Variants in TTC28 observed in about 807,000 individuals in gnomAD.
TTC28 encodes tetratricopeptide repeat protein 28.
A neutral mutation model predicts 198.0 loss-of-function variants in TTC28; 61 were observed. That is an observed-to-expected ratio of 0.31 (90% CI 0.25 to 0.38). The LOEUF (loss-of-function observed/expected upper bound fraction) is 0.38. Ranked by LOEUF, TTC28 falls within the 10% of genes least tolerant of loss-of-function variation. The pLI, the probability that TTC28 is intolerant of heterozygous loss-of-function variation, is 1.00. For synonymous variants in TTC28, 1,171 were observed against 1,297.8 expected (o/e 0.90, Z 2.10); for missense variants, 2,678 against 3,164.0 (o/e 0.85, Z 3.69).
At chr22:28,502,994 T>C (rs1471117733) in intron 2 of TTC28, among the ~76,000 whole-genome samples, 1 of 152,204 alleles carries the variant, frequency 6.6e-6, no homozygotes. Flanking sequence ...CATCACATAA[T>C]GCCTCATGGA....
At position 28,032,175 on chromosome 22, in the gene TTC28, T is replaced by TATATATATATATAAA. The variant is rs1186130280; in HGVS notation, c.3933-1824_3933-1810dup. Among the ~76,000 whole-genome samples, 431 of 78,944 alleles carry TATATATATATATAAA rather than the reference T, an allele frequency of 5.5e-3. 9 individuals carry two copies. Among genetic ancestry groups the TATATATATATATAAA allele is most frequent in the Middle Eastern group, 0.013 (2 of 158 alleles). The allele number at this position is 78,944 out of a possible 152,430, so 51.8% of individuals were successfully genotyped here. A position where few individuals can be genotyped will look rare whatever the true frequency, so the allele number is the denominator to read the frequency against. On this transcript the variant is annotated intron_variant, in intron 12 of 22. Transcript: ENST00000397906. The stretch of plus-strand genomic sequence containing the variant: ...TATATCTACTTAGTGTGTGTATATA[T>TATATATATATATAAA]ATATATATATATAAAATATATATAT...
chr22:28,327,732 A>C (rs976963321), intron 2 of TTC28, among the ~76,000 whole-genome samples: 23 of 152,346 alleles, frequency 1.5e-4, no homozygotes, highest in East Asian at 5.8e-4. Flanking sequence ...GAAGTGGCAA[A>C]TGTGTAGGGG....
chr22:28,049,831 A>G (rs537376268), intron 12 of TTC28, among the ~76,000 whole-genome samples: 1 of 152,174 alleles, frequency 6.6e-6, no homozygotes, highest in Non-Finnish European at 1.5e-5. Flanking sequence ...ATGTTCGTGA[A>G]GAGTGTGTGT....
At chr22:28,322,220 C>G (rs1042246614) in intron 2 of TTC28, among the ~76,000 whole-genome samples, 1 of 152,088 alleles carries the variant, frequency 6.6e-6, no homozygotes, top group Non-Finnish European at 1.5e-5. Flanking sequence ...TTTCTGTTTT[C>G]TGGCACCTGT....
At chr22:28,088,152 G>A (rs1432696522) in intron 12 of TTC28, among the ~76,000 whole-genome samples, 3 of 152,108 alleles carry the variant, frequency 2.0e-5, no homozygotes, top group Admixed American at 1.3e-4. Context: ...CACAGAATTG[G>A]AGAAAACTAC....
intron 6 of TTC28, among the ~76,000 whole-genome samples, chr22:28,118,086 A>G (rs1209492532): frequency 6.6e-6 from 1 of 152,198 alleles, no homozygotes; most frequent in Admixed American, 6.5e-5. Context: ...TATCCATAAA[A>G]ATACAAAATT....
At chr22:28,594,498 C>G (rs2050501498) in intron 2 of TTC28, among the ~76,000 whole-genome samples, 1 of 151,820 alleles carries the variant, frequency 6.6e-6, no homozygotes. Context: ...TTACTTTATC[C>G]TTTGGTACCC....
intron 2 of TTC28, among the ~76,000 whole-genome samples, chr22:28,490,911 T>C (rs1043293933): frequency 1.8e-4 from 27 of 152,238 alleles, no homozygotes; most frequent in Non-Finnish European, 3.7e-4. Context: ...AAAATTCCTC[T>C]GATATCACTA....
At chr22:28,279,861 C>T (rs940462220) in intron 5 of TTC28, among the ~76,000 whole-genome samples, 4 of 152,178 alleles carry the variant, frequency 2.6e-5, no homozygotes, top group African/African-American at 9.7e-5. Flanking sequence ...TCTAGAATTT[C>T]TTATTAATGG....
At position 28,163,619 on chromosome 22, in the gene TTC28, G is replaced by C. The variant is rs911943310; in HGVS notation, c.934-20C>G. ...AGCTGCCTGGAGAGAAAAGGATAAA[G>C]TGGAGAAATGAAAACACATCAGAAT... On this transcript the variant is annotated intron_variant, in intron 5 of 22. Coordinates refer to ENST00000397906, the MANE Select transcript of TTC28 (RefSeq NM_001145418.2). 28 of 1,495,780 alleles carry C rather than the reference G, an allele frequency of 1.9e-5. No individual in the cohort carries two copies. The highest frequency in any genetic ancestry group is 2.4e-5 in the Non-Finnish European group (27 of 1,124,466). The allele number at this position is 1,495,780 out of a possible 1,614,324, so 92.7% of individuals were successfully genotyped here.
chr22:28,004,214 G>C (rs1937835913), intron 14 of TTC28, among the ~76,000 whole-genome samples: 1 of 152,198 alleles, frequency 6.6e-6, no homozygotes, highest in Non-Finnish European at 1.5e-5. Flanking sequence ...GAGGGACATG[G>C]GAGCCAGACT....
At chr22:27,993,749 C>T (rs1937498443) in intron 17 of TTC28, among the ~76,000 whole-genome samples, 2 of 152,132 alleles carry the variant, frequency 1.3e-5, no homozygotes, top group Admixed American at 6.5e-5. Context: ...GCTGGTACAA[C>T]AGAAGGATTC....
At chr22:28,264,315 G>A (rs1167247764) in intron 5 of TTC28, among the ~76,000 whole-genome samples, 3 of 152,102 alleles carry the variant, frequency 2.0e-5, no homozygotes, top group Non-Finnish European at 4.4e-5. Context: ...TCCACTATGA[G>A]TGAGAGGCCT....
Position 28,101,184 on chromosome 22 carries a change from T to C in TTC28, c.3404A>G (p.Glu1135Gly). The stretch of plus-strand genomic sequence containing the variant: ...GGTTCTGCTTACCTGGTGTTGGGCC[T>C]CCTCCAAGTTTCCACTAGCCCAAAG... ...LSLWASGNLE[E>G]AQHQLYRASA... Residue 1135 changes from glutamate (E) to glycine (G), a missense_variant, in exon 9 of 23, where the codon GAG becomes GGG. Physicochemically the swap from Glu to Gly is moderately conservative, Grantham distance 98. Around this residue, in one of 8 missense-constraint regions of TTC28, gnomAD observed 727 missense variants for 861.9 expected, o/e 0.84. Coordinates refer to ENST00000397906, the MANE Select transcript of TTC28 (RefSeq NM_001145418.2). 6.4e-7 allele frequency: 1 copy of C among 1,550,628 alleles called. No individual in the cohort carries two copies. The highest frequency in any genetic ancestry group is 8.7e-7 in the Non-Finnish European group (1 of 1,146,574).
chr22:28,096,243 T>C lies in TTC28; in HGVS notation c.3713A>G (p.Tyr1238Cys). 1 of 1,551,550 alleles carries C rather than the reference T, an allele frequency of 6.4e-7. No individual in the cohort carries two copies. Among genetic ancestry groups the C allele is most frequent in the Non-Finnish European group, 8.7e-7 (1 of 1,146,898 alleles). ...MVNGQRGLVL[Y>C]YSLAAGYLYS... ...CAGATAGCCTGCAGCCAGGGAATAG[T>C]AAAGCACTAGTCCCCTCTGGCCATT... The change falls in exon 11 of 23, where the codon TAC (tyrosine) becomes TGC (cysteine). Residue 1238 changes from tyrosine (Y) to cysteine (C), a missense_variant. Tyr to Cys is a radical substitution (Grantham distance 194). Coordinates refer to ENST00000397906, the MANE Select transcript of TTC28 (RefSeq NM_001145418.2).
intron 2 of TTC28, among the ~76,000 whole-genome samples, chr22:28,353,098 G>A (rs932218007): frequency 6.6e-6 from 1 of 152,076 alleles, no homozygotes; most frequent in African/African-American, 2.4e-5. Context: ...CAAAACACAG[G>A]ACAGACAAAG....
intron 2 of TTC28, among the ~76,000 whole-genome samples, chr22:28,530,321 T>A (rs2049105611): frequency 6.6e-6 from 1 of 151,890 alleles, no homozygotes; most frequent in South Asian, 2.1e-4. Flanking sequence ...TGATTGAAGA[T>A]CAAATGAATG....
intron 1 of TTC28, among the ~76,000 whole-genome samples, chr22:28,661,375 G>A (rs1197474634): frequency 6.6e-6 from 1 of 152,092 alleles, no homozygotes; most frequent in Non-Finnish European, 1.5e-5. Flanking sequence ...ATTTATATCA[G>A]GTACTACATT....
intron 5 of TTC28, among the ~76,000 whole-genome samples, chr22:28,224,207 A>G (rs1000874783): frequency 1.3e-5 from 2 of 152,174 alleles, no homozygotes; most frequent in African/African-American, 4.8e-5. Context: ...ACCCTTCTCT[A>G]TAGCAGTGCT....
Sources: gnomAD v4.1 joint callset for allele counts (sites outside exome capture counted in the v4.1 genomes callset) on GRCh38, gnomAD v4.1.1 for gene constraint, gnomAD v4.1.1 regional missense constraint, MANE v1.5 for transcripts, NCBI Gene and HGNC (gene_info 2026-07-23, HGNC 2026-07-21) for gene names.